FBRS: variants seen among roughly 807,000 people sequenced by gnomAD.
The protein encoded by FBRS is probable fibrosin-1.
A neutral mutation model predicts 86.1 loss-of-function variants in FBRS; 15 were observed. The ratio of observed to expected loss-of-function variants is 0.17; its 90% CI spans 0.12 to 0.27. The LOEUF (loss-of-function observed/expected upper bound fraction) is 0.27, where lower values mean the gene tolerates loss of function less well. Ranked by LOEUF, FBRS falls within the 10% of genes least tolerant of loss-of-function variation. The pLI is 1.00. For missense variants in FBRS, 1,367 were observed against 1,301.6 expected (o/e 1.05, Z -0.77); for synonymous variants, 666 against 575.8 (o/e 1.16, Z -2.24).
intron 14 of FBRS, 29 bp from the exon 15 acceptor site, chr16:30,667,513 C>T (rs1223295334): frequency 1.3e-6 from 2 of 1,521,104 alleles, no homozygotes; most frequent in Non-Finnish European, 1.8e-6. Context: ...CACTCAGCCT[C>T]ATCAGAATCT....
At position 30,659,413 on chromosome 16, in the gene FBRS, C is replaced by T. The variant is rs1267081737; in HGVS notation, c.-106C>T. On this transcript the variant is annotated 5_prime_UTR_variant, in exon 1 of 18. Coordinates refer to ENST00000356166, the MANE Select transcript of FBRS (RefSeq NM_001105079.3). ...CCGGCTTTAAAGGAGAAGCCGTGGC[C>T]CTCTCGTCACTGTGCAGCCGCCAGC... 2.5e-5 allele frequency: 5 copies of T among 201,492 alleles called. No individual in the cohort carries two copies. The highest frequency in any genetic ancestry group is 1.2e-4 in the East Asian group (1 of 8,386). 12.5% of individuals were successfully genotyped at this position (201,492 alleles called of 1,614,324 possible). A position where few individuals can be genotyped will look rare whatever the true frequency, so the allele number is the denominator to read the frequency against.
At position 30,658,610 on chromosome 16, in the gene FBRS, G is replaced by T. The variant is rs990383418; in HGVS notation, c.-909G>T. The T allele has an allele frequency of 6.6e-6, 1 of 152,428 alleles. No individual in the cohort carries two copies. Among genetic ancestry groups the T allele is most frequent in the African/African-American group, 2.4e-5 (1 of 41,474 alleles). The allele number at this position is 152,428 out of a possible 1,614,324, so 9.4% of individuals were successfully genotyped here. ...GTCGGACAGAGACGGAGGAAAGGAG[G>T]AAGAGACTTTTATGTCGGCGGACAG... On this transcript the variant is annotated 5_prime_UTR_variant, in exon 1 of 18. Coordinates refer to ENST00000356166, the MANE Select transcript of FBRS (RefSeq NM_001105079.3).
chr16:30,665,789 T>G lies in FBRS; in HGVS notation c.1773+83T>G. On this transcript the variant is annotated intron_variant, in intron 11 of 17. Coordinates refer to ENST00000356166, the MANE Select transcript of FBRS (RefSeq NM_001105079.3). This position sits in a 1 kb window ranked among gnomAD's most constrained non-coding sequence, Gnocchi z 4.1. ...AACTGACTTGAGGAGAGTGAACTGC[T>G]GATTCCTCCCTTGAATTCACAATCG... The G allele has an allele frequency of 7.6e-7, 1 of 1,319,702 alleles. No individual in the cohort carries two copies. Among genetic ancestry groups the G allele is most frequent in the Non-Finnish European group, 1.1e-6 (1 of 944,608 alleles). The allele number at this position is 1,319,702 out of a possible 1,614,324, so 81.7% of individuals were successfully genotyped here. A position where few individuals can be genotyped will look rare whatever the true frequency, so the allele number is the denominator to read the frequency against.
At chr16:30,668,524 G>A (rs771120325) in intron 15 of FBRS, 36 bp from the exon 16 acceptor site, 1 of 1,579,454 alleles carries the variant, frequency 6.3e-7, no homozygotes, top group East Asian at 2.3e-5. Flanking sequence ...AGCACCGGCT[G>A]CCCAGTGCTC....
In FBRS at chr16:30,665,170, CAGCACAAA is replaced by C; in HGVS notation, c.1608+96_1608+103del. 1 of 1,549,404 alleles carries C rather than the reference CAGCACAAA, an allele frequency of 6.5e-7. No individual in the cohort carries two copies. Among genetic ancestry groups the C allele is most frequent in the African/African-American group, 1.4e-5 (1 of 73,580 alleles). Reference sequence around the variant, plus strand: ...ACCCTGACTGCTGGGGTCCAGTCTTCAGCACAAAAGCAAGAGCCTTGAGCCTGGGACAG... The same window carrying C: ...ACCCTGACTGCTGGGGTCCAGTCTTCAGCAAGAGCCTTGAGCCTGGGACAG... On this transcript the variant is annotated intron_variant, in intron 9 of 17. Coordinates refer to ENST00000356166, the MANE Select transcript of FBRS (RefSeq NM_001105079.3). This position sits in a 1 kb window ranked among gnomAD's most constrained non-coding sequence, Gnocchi z 4.1.
rs760915831 is a variant in FBRS at position 30,664,890 on chromosome 16, G to A, written c.1533G>A (p.Pro511=). 13 of 1,609,818 alleles carry A rather than the reference G, an allele frequency of 8.1e-6. 1 individual carries two copies. Among genetic ancestry groups the A allele is most frequent in the South Asian group, 4.4e-5 (4 of 90,350 alleles). The change falls in exon 8 of 18, where the codon CCG becomes CCA. Residue 511 remains proline (P), a synonymous_variant. Coordinates refer to ENST00000356166, the MANE Select transcript of FBRS (RefSeq NM_001105079.3). ...ACCAGCACTTCACCCCTTATCCCCC[G>A]GGCCTGCTGCCACCCCACGGCCCCC... ...HTHQHFTPYP[P]GLLPPHGPHM...
intron 12 of FBRS, 144 bp downstream of exon 12, chr16:30,666,685 C>G (rs1464747308): frequency 7.2e-7 from 1 of 1,393,584 alleles, no homozygotes; most frequent in African/African-American, 1.4e-5. Context: ...TGAGGGCTTT[C>G]AAGTTGCAGA....
Position 30,669,279 on chromosome 16 carries a change from T to A in FBRS, c.2577T>A (p.Phe859Leu). 6.4e-7 allele frequency: 1 copy of A among 1,571,250 alleles called. No individual in the cohort carries two copies. Among genetic ancestry groups the A allele is most frequent in the Non-Finnish European group, 8.6e-7 (1 of 1,159,212 alleles). ...GGCCCCAGGGCCTTCACCTGCTGTT[T>A]GAGAGGCCCCGGCCGCCCCCGTTTC... ...ATGPQGLHLL[F>L]ERPRPPPFLG... Residue 859 changes from phenylalanine (F) to leucine (L), a missense_variant, in exon 18 of 18, where the codon TTT becomes TTA. This residue lies in a region of FBRS where 659 missense variants were observed against 678.8 expected (regional missense o/e 0.97). Transcript: ENST00000356166. The surrounding 1 kb of genome is among the most constrained non-coding windows in gnomAD (Gnocchi z 5.9).
At chr16:30,667,271 G>A (rs1235986463) in intron 13 of FBRS, 49 bp from the exon 14 acceptor site, 1 of 1,393,274 alleles carries the variant, frequency 7.2e-7, no homozygotes, top group Non-Finnish European at 9.8e-7. Context: ...GCAAGAGGGG[G>A]ACCAGACTGG....
Position 30,664,287 on chromosome 16 carries a change from C to A in FBRS, c.1128C>A (p.Ser376=). The change falls in exon 7 of 18, where the codon TCC becomes TCA. Residue 376 remains serine (S), a synonymous_variant. Transcript: ENST00000356166. ...AQPPPSSSSS[S]SSSSSASSSS... ...CTCCCCCCTCATCATCCTCTTCGTCCTCCTCCTCCTCATCTGCCTCCTCCT... is the reference window on the plus strand; with the variant it reads ...CTCCCCCCTCATCATCCTCTTCGTCATCCTCCTCCTCATCTGCCTCCTCCT... 2 of 1,497,058 alleles carry A rather than the reference C, an allele frequency of 1.3e-6. No homozygotes were observed. Among genetic ancestry groups the A allele is most frequent in the Non-Finnish European group, 1.8e-6 (2 of 1,114,812 alleles). The allele number at this position is 1,497,058 out of a possible 1,614,324, so 92.7% of individuals were successfully genotyped here.
rs1386440274 is a variant in FBRS, at chr16:30,664,469, T to C, written c.1310T>C (p.Leu437Pro). Residue 437 changes from leucine to proline, a missense_variant, in exon 7 of 18, where the codon CTG becomes CCG. Coordinates refer to ENST00000356166, the MANE Select transcript of FBRS (RefSeq NM_001105079.3). ...ACCCTGCCCCCACCCCCACCCCTGCTGCAGGTGCCAGGGCACCCTGGGGCC... is the reference window on the plus strand; with the variant it reads ...ACCCTGCCCCCACCCCCACCCCTGCCGCAGGTGCCAGGGCACCCTGGGGCC... ...GPTLPPPPPL[L>P]QVPGHPGASA... 1.7e-6 allele frequency: 2 copies of C among 1,198,524 alleles called. No individual in the cohort carries two copies. Among genetic ancestry groups the C allele is most frequent in the Non-Finnish European group, 2.1e-6 (2 of 952,532 alleles). The allele number at this position is 1,198,524 out of a possible 1,614,324, so 74.2% of individuals were successfully genotyped here.
rs2052533534 is a variant in FBRS at position 30,667,202 on chromosome 16, G to C, written c.1876-118G>C. 7 of 957,232 alleles carry C rather than the reference G, an allele frequency of 7.3e-6. No individual in the cohort carries two copies. In the South Asian group the frequency reaches 1.1e-4, roughly 16 times the overall value. 59.3% of individuals were successfully genotyped at this position (957,232 alleles called of 1,614,324 possible). On this transcript the variant is annotated intron_variant, in intron 13 of 17. Coordinates refer to ENST00000356166, the MANE Select transcript of FBRS (RefSeq NM_001105079.3). ...AAGGCTCCGAGAGAGGCAGAAGATA[G>C]GCATCCAGGCCCCATCTGGGTGCCA...
intron 1 of FBRS, 41 bp downstream of exon 1, chr16:30,660,018 G>T (rs1044151490): frequency 2.3e-5 from 36 of 1,538,946 alleles, no homozygotes; most frequent in Non-Finnish European, 3.1e-5. Context: ...GGGTTTCCGA[G>T]GGGCAGCAAG....
rs754641272 is a variant in FBRS at position 30,665,265 on chromosome 16, G to A, written c.1609-41G>A. The A allele has an allele frequency of 2.6e-5, 40 of 1,539,026 alleles. No homozygotes were observed. Among genetic ancestry groups the A allele is most frequent in the South Asian group, 2.5e-4 (21 of 83,922 alleles). On this transcript the variant is annotated intron_variant, in intron 9 of 17. Transcript: ENST00000356166. The surrounding 1 kb of genome is among the most constrained non-coding windows in gnomAD (Gnocchi z 4.1). ...GACGGGCAGGCTGGACTTGGGCTGC[G>A]CCTCCACCCCCACCTGTACTAGTCC...
At chr16:30,667,690 C>A in intron 15 of FBRS, 68 bp downstream of exon 15, 1 of 1,365,600 alleles carries the variant, frequency 7.3e-7, no homozygotes. Flanking sequence ...GAAATCAGAC[C>A]CAGCAGGCAG....
rs1223595339 is a variant in FBRS at position 30,665,725 on chromosome 16, G to A, written c.1773+19G>A. The A allele has an allele frequency of 6.4e-7, 1 of 1,567,092 alleles. No individual in the cohort carries two copies. Among genetic ancestry groups the A allele is most frequent in the Non-Finnish European group, 8.7e-7 (1 of 1,155,398 alleles). On this transcript the variant is annotated intron_variant, in intron 11 of 17. Transcript: ENST00000356166. This position sits in a 1 kb window ranked among gnomAD's most constrained non-coding sequence, Gnocchi z 4.1. ...GACACAGGTGAGGGGGCCAGGGCAGGTCCTGGGGGAGCTGGAAGGTGTGTT... is the reference window on the plus strand; with the variant it reads ...GACACAGGTGAGGGGGCCAGGGCAGATCCTGGGGGAGCTGGAAGGTGTGTT...
intron 11 of FBRS, 124 bp from the exon 12 acceptor site, chr16:30,666,388 A>G: frequency 8.4e-7 from 1 of 1,197,082 alleles, no homozygotes; most frequent in East Asian, 2.4e-5. Context: ...CCTGAGCAGG[A>G]AGGGTTTGAG....
At chr16:30,666,830 G>C (rs964532868) in intron 12 of FBRS, 89 bp from the exon 13 acceptor site, 1 of 1,411,032 alleles carries the variant, frequency 7.1e-7, no homozygotes, top group South Asian at 1.2e-5. Context: ...ATTTTGTGGC[G>C]AGGCTGGGCC....
intron 16 of FBRS, 22 bp downstream of exon 16, chr16:30,668,665 T>TGGGGGGGG: frequency 8.2e-6 from 12 of 1,456,660 alleles, no homozygotes; most frequent in Non-Finnish European, 1.1e-5. Context: ...TGCGGTGGGG[T>TGGGGGGGG]GGGGGGGCTG....
Sources: gnomAD v4.1 joint callset for allele counts on GRCh38, gnomAD v4.1.1 for gene constraint, gnomAD v4.1.1 regional missense constraint, Gnocchi (gnomAD v3.1) non-coding constraint, MANE v1.5 for transcripts, NCBI Gene and HGNC (gene_info 2026-07-23, HGNC 2026-07-21) for gene names.